CAMTA1: variants seen among roughly 807,000 people sequenced by gnomAD.
The protein encoded by CAMTA1 is calmodulin binding transcription activator 1, also known as calmodulin-binding transcription activator 1.
Under a neutral mutation model 170.9 loss-of-function variants are expected in CAMTA1, and 27 were observed. The observed-to-expected ratio is 0.16, with a 90% confidence interval of 0.12 to 0.22. CAMTA1 has a LOEUF of 0.22. Among genes scored for constraint, CAMTA1 ranks in the 10% least tolerant of loss-of-function variants. CAMTA1 has a pLI of 1.00. For missense variants in CAMTA1, 1,619 were observed against 2,217.2 expected, an observed-to-expected ratio of 0.73 and a Z score of 5.42; for synonymous variants, 833 against 891.5, an observed-to-expected ratio of 0.93 and a Z score of 1.17.
intron 3 of CAMTA1, among the ~76,000 whole-genome samples, chr1:6,857,432 G>T (rs1430431665): frequency 1.3e-5 from 2 of 152,208 alleles, no homozygotes; most frequent in Non-Finnish European, 2.9e-5. Context: ...GTTTGGATTT[G>T]CAGATGAAGA....
rs1210261533 is a variant in CAMTA1, at chr1:7,664,777, C to A, written c.2230C>A (p.Leu744Ile). ...CCTCCCGGGCAACGTGGTGCAGGGA[C>A]TCTACCCCGTGGCCCAGCCCAGCCT... ...PILPGNVVQG[L>I]YPVAQPSLGN... Residue 744 changes from leucine to isoleucine, a missense_variant, in exon 9 of 23, where the codon CTC becomes ATC. Leu to Ile is a conservative substitution (Grantham distance 5). This residue lies in a region of CAMTA1 where 731 missense variants were observed against 907.6 expected (regional missense o/e 0.81). Transcript: ENST00000303635. 4 of 1,612,214 alleles carry A rather than the reference C, an allele frequency of 2.5e-6. No homozygotes were observed. Among genetic ancestry groups the A allele is most frequent in the Non-Finnish European group, 3.4e-6 (4 of 1,179,292 alleles).
intron 22 of CAMTA1, among the ~76,000 whole-genome samples, chr1:7,765,520 A>G (rs2097014519): frequency 1.3e-5 from 2 of 152,212 alleles, no homozygotes; most frequent in South Asian, 4.1e-4. Context: ...ATCGCACCCT[A>G]TGGCTGTCCA....
At chr1:7,760,506 C>T (rs980070657) in intron 22 of CAMTA1, among the ~76,000 whole-genome samples, 1 of 152,130 alleles carries the variant, frequency 6.6e-6, no homozygotes, top group African/African-American at 2.4e-5. Flanking sequence ...CTAAGTGGCC[C>T]GATGTGTTCA....
At chr1:7,756,834 C>T (rs756726394) in intron 22 of CAMTA1, among the ~76,000 whole-genome samples, 92 of 151,898 alleles carry the variant, frequency 6.1e-4, no homozygotes, top group Non-Finnish European at 1.2e-3. Context: ...AGCAACAGAG[C>T]GAGACCCTGT....
At chr1:7,578,990 C>T (rs1386390663) in intron 6 of CAMTA1, among the ~76,000 whole-genome samples, 2 of 152,170 alleles carry the variant, frequency 1.3e-5, no homozygotes, top group Non-Finnish European at 2.9e-5. Context: ...CCACCACTAC[C>T]CCTGCTCCAG....
chr1:6,868,354 A>C (rs550763476), intron 3 of CAMTA1, among the ~76,000 whole-genome samples: 38 of 144,432 alleles, frequency 2.6e-4, no homozygotes, highest in Admixed American at 6.8e-4. Flanking sequence ...CAAAACAAAA[A>C]ACGACTGTAT....
At chr1:7,161,786 C>A (rs1022378633) in intron 4 of CAMTA1, among the ~76,000 whole-genome samples, 2 of 152,184 alleles carry the variant, frequency 1.3e-5, no homozygotes, top group African/African-American at 4.8e-5. Context: ...TCCATCCGGG[C>A]ACCAAGGGTG....
At chr1:6,980,577 C>T (rs894389969) in intron 3 of CAMTA1, among the ~76,000 whole-genome samples, 5 of 152,160 alleles carry the variant, frequency 3.3e-5, no homozygotes, top group African/African-American at 1.2e-4. Flanking sequence ...TTGTAGCTCC[C>T]ATAATTCCCA....
At chr1:7,375,194 G>T (rs1027375442) in intron 5 of CAMTA1, among the ~76,000 whole-genome samples, 9 of 152,190 alleles carry the variant, frequency 5.9e-5, no homozygotes, top group Non-Finnish European at 1.0e-4. Flanking sequence ...TGAATCTGTG[G>T]CTGGGTCCTT....
In CAMTA1 at chr1:7,146,753, C is replaced by T. The variant is rs115143454; in HGVS notation, c.302+55382C>T. ...CACAAACACACACTCAAACATAAAC[C>T]ATGCACACACACACACTTGAGCATC... On this transcript the variant is annotated intron_variant, in intron 4 of 22. Coordinates refer to ENST00000303635, the MANE Select transcript of CAMTA1 (RefSeq NM_015215.4). The surrounding 1 kb of genome is among the most constrained non-coding windows in gnomAD (Gnocchi z 4.3). Among the ~76,000 whole-genome samples the T allele has an allele frequency of 0.011, 1,720 of 152,074 alleles. 29 individuals carry two copies. Among genetic ancestry groups the T allele is most frequent in the African/African-American group, 0.039 (1,622 of 41,456 alleles).
rs66934266 is a variant in CAMTA1, at chr1:7,230,432, A to ACCCC, written c.303-19050_303-19047dup. Among the ~76,000 whole-genome samples, 5 of 38,250 alleles carry ACCCC rather than the reference A, an allele frequency of 1.3e-4. No homozygotes were observed. The East Asian group carries it at 2.5e-3, about 19-fold the overall frequency. 25.1% of individuals were successfully genotyped at this position (38,250 alleles called of 152,430 possible). The stretch of plus-strand genomic sequence containing the variant: ...TTGGCTGGGCTGCTGCTCTGGGCTG[A>ACCCC]CCCCCCCCCCCCGCCCCGCAAAGCT... On this transcript the variant is annotated intron_variant, in intron 4 of 22. Coordinates refer to ENST00000303635, the MANE Select transcript of CAMTA1 (RefSeq NM_015215.4).
chr1:7,320,768 G>A (rs1180283376), intron 5 of CAMTA1, among the ~76,000 whole-genome samples: 1 of 151,638 alleles, frequency 6.6e-6, no homozygotes, highest in Non-Finnish European at 1.5e-5. Context: ...CCAATGTGGG[G>A]CTGTACCAAC....
intron 5 of CAMTA1, chr1:7,441,226 G>T (rs908164922): frequency 6.6e-6 from 1 of 152,192 alleles, no homozygotes; most frequent in Non-Finnish European, 1.5e-5. Context: ...GAATGTTGCT[G>T]TTCAAACTGC....
intron 4 of CAMTA1, among the ~76,000 whole-genome samples, chr1:7,247,345 G>A (rs1360549311): frequency 6.6e-6 from 1 of 152,200 alleles, no homozygotes; most frequent in East Asian, 1.9e-4. Flanking sequence ...GTGTTTGAGA[G>A]AGTCCTCTCT....
chr1:7,631,432 C>T (rs956066764), intron 6 of CAMTA1, among the ~76,000 whole-genome samples: 3 of 152,206 alleles, frequency 2.0e-5, no homozygotes, highest in Admixed American at 2.0e-4. Context: ...AAGGCACTCT[C>T]CTTTCTGTAA....
intron 5 of CAMTA1, among the ~76,000 whole-genome samples, chr1:7,428,037 G>A (rs1169940953): frequency 6.6e-6 from 1 of 152,190 alleles, no homozygotes; most frequent in East Asian, 1.9e-4. Context: ...AGGCAGCACT[G>A]GAGTCGGCGT....
intron 6 of CAMTA1, among the ~76,000 whole-genome samples, chr1:7,577,139 C>T (rs114750362): frequency 0.012 from 1,801 of 152,266 alleles, 36 homozygotes; most frequent in African/African-American, 0.041. Flanking sequence ...AAGCCAGCAT[C>T]GTCCTCCCCC....
chr1:7,665,088 C>T lies in CAMTA1; in HGVS notation c.2541C>T (p.His847=), dbSNP rs372492803. The change falls in exon 9 of 23, where the codon CAC becomes CAT. Residue 847 remains histidine (H), a synonymous_variant. Coordinates refer to ENST00000303635, the MANE Select transcript of CAMTA1 (RefSeq NM_015215.4). The surrounding 1 kb of genome is among the most constrained non-coding windows in gnomAD (Gnocchi z 4.3). Reference sequence around the variant, plus strand: ...GGGCCAGCACCATGGCCTACATGCACGTCGCCGAGGTGGTCTCGGCCGCCT... The same window carrying T: ...GGGCCAGCACCATGGCCTACATGCATGTCGCCGAGGTGGTCTCGGCCGCCT... The part of the protein sequence containing the change: ...EGGASTMAYM[H]VAEVVSAASA... 58 of 1,549,546 alleles carry T rather than the reference C, an allele frequency of 3.7e-5. No individual in the cohort carries two copies. Among genetic ancestry groups the T allele is most frequent in the South Asian group, 2.0e-4 (16 of 80,886 alleles).
rs138882536 is a variant in CAMTA1 at position 6,896,820 on chromosome 1, G to A, written c.234+71610G>A. On this transcript the variant is annotated intron_variant, in intron 3 of 22. Coordinates refer to ENST00000303635, the MANE Select transcript of CAMTA1 (RefSeq NM_015215.4). Reference sequence around the variant, plus strand: ...ATTTACTTTGGTCTTGAATATACTCGTTGGGGACTGGATTGTAGAACTCAG... The same window carrying A: ...ATTTACTTTGGTCTTGAATATACTCATTGGGGACTGGATTGTAGAACTCAG... 7.2e-5 allele frequency among the ~76,000 whole-genome samples: 11 copies of A among 152,272 alleles called. No homozygotes were observed. In the East Asian group the frequency reaches 2.1e-3, roughly 29 times the overall value.
Sources: allele counts gnomAD v4.1 joint callset (sites outside exome capture counted in the v4.1 genomes callset), GRCh38; gene constraint gnomAD v4.1.1; regional missense constraint gnomAD v4.1.1; non-coding constraint Gnocchi (gnomAD v3.1); transcripts MANE v1.5; gene names NCBI Gene and HGNC (gene_info 2026-07-23, HGNC 2026-07-21).